Variants in SMARCA2 observed in about 807,000 individuals in gnomAD.
SMARCA2 encodes SWI/SNF related BAF chromatin remodeling complex subunit ATPase 2, also known as SWI/SNF-related matrix-associated actin-dependent regulator of chromatin subfamily A member 2.
A neutral mutation model predicts 199.8 loss-of-function variants in SMARCA2; 61 were observed. The observed-to-expected ratio is 0.31, with a 90% CI of 0.25 to 0.38. The LOEUF is 0.38. Among genes scored for constraint, SMARCA2 ranks in the 10% least tolerant of loss-of-function variants. The pLI is 1.00. For missense variants in SMARCA2, 1,344 were observed against 2,012.2 expected (o/e 0.67, Z 6.35); for synonymous variants, 935 against 732.0 (o/e 1.28, Z -4.48).
intron 29 of SMARCA2, among the ~76,000 whole-genome samples, chr9:2,180,721 C>A (rs554240856): frequency 1.3e-5 from 2 of 152,232 alleles, no homozygotes; most frequent in African/African-American, 4.8e-5. Flanking sequence ...CCTTTAACCA[C>A]ATCTGCTTCC....
At chr9:2,051,181 C>T (rs1354952714) in intron 5 of SMARCA2, among the ~76,000 whole-genome samples, 2 of 152,170 alleles carry the variant, frequency 1.3e-5, no homozygotes, top group African/African-American at 2.4e-5. Context: ...AAAGAAGCCC[C>T]TCCTGTACCT....
intron 21 of SMARCA2, among the ~76,000 whole-genome samples, chr9:2,098,039 A>T (rs1407933334): frequency 6.6e-6 from 1 of 152,180 alleles, no homozygotes; most frequent in Non-Finnish European, 1.5e-5. Flanking sequence ...CAGGGAGAGG[A>T]CATTTTCTGC....
chr9:2,178,864 C>G (rs1826809565), intron 29 of SMARCA2, among the ~76,000 whole-genome samples: 1 of 152,168 alleles, frequency 6.6e-6, no homozygotes, highest in Non-Finnish European at 1.5e-5. Flanking sequence ...GCTGGCCATC[C>G]AATCCCTTGC....
chr9:2,142,113 G>T (rs368554893), intron 27 of SMARCA2, among the ~76,000 whole-genome samples: 47 of 152,204 alleles, frequency 3.1e-4, no homozygotes, highest in African/African-American at 1.1e-3. Flanking sequence ...GAGAAGGTAG[G>T]GCCCTTAGCT....
intron 9 of SMARCA2, among the ~76,000 whole-genome samples, chr9:2,067,887 G>C (rs986401016): frequency 1.3e-5 from 2 of 152,174 alleles, no homozygotes; most frequent in African/African-American, 4.8e-5. Flanking sequence ...ACATTCATAG[G>C]AAAGTATCCT....
intron 3 of SMARCA2, among the ~76,000 whole-genome samples, chr9:2,033,775 C>A (rs1021239838): frequency 1.3e-5 from 2 of 152,224 alleles, no homozygotes; most frequent in African/African-American, 4.8e-5. Flanking sequence ...TGCCAGCAAT[C>A]CTTGGCATTC....
At chr9:2,183,042 C>G (rs1827169276) in intron 31 of SMARCA2, among the ~76,000 whole-genome samples, 1 of 152,198 alleles carries the variant, frequency 6.6e-6, no homozygotes, top group Admixed American at 6.5e-5. Context: ...CTGCCCACCT[C>G]AGCCTCCCAA....
intron 27 of SMARCA2, among the ~76,000 whole-genome samples, chr9:2,124,249 C>G (rs938814392): frequency 6.6e-6 from 1 of 152,156 alleles, no homozygotes; most frequent in Non-Finnish European, 1.5e-5. Flanking sequence ...GTTTTATGAC[C>G]AATTGCCTGG....
chr9:2,120,585 A>G (rs1823414798), intron 26 of SMARCA2, among the ~76,000 whole-genome samples: 1 of 152,182 alleles, frequency 6.6e-6, no homozygotes, highest in Non-Finnish European at 1.5e-5. Flanking sequence ...CCACCTTTTT[A>G]GCCTAGACAG....
At chr9:2,072,887 G>A (rs1340333555) in intron 10 of SMARCA2, among the ~76,000 whole-genome samples, 1 of 152,206 alleles carries the variant, frequency 6.6e-6, no homozygotes, top group African/African-American at 2.4e-5. Flanking sequence ...TGGCATTGTT[G>A]CCACTGTGGT....
At chr9:2,057,045 TGCCCAAGGTCATACAATTGCTTA>T (rs1220554752) in intron 7 of SMARCA2, among the ~76,000 whole-genome samples, 200 bp downstream of exon 7, 9 of 152,150 alleles carry the variant, frequency 5.9e-5, no homozygotes, top group African/African-American at 2.2e-4. Flanking sequence ...TATAAATGAC[TGCCCAAGGTCATACAATTGCTTA>T]GCAGCACAAT....
rs945674858 is a variant in SMARCA2, at chr9:2,185,957, T to G, written c.4462-139T>G. Reference sequence around the variant, plus strand: ...TTGGGCTTGGCGTTTTGCTACTGGGTTTTCATGTGGGCATAAAAGCTAACG... The same window carrying G: ...TTGGGCTTGGCGTTTTGCTACTGGGGTTTCATGTGGGCATAAAAGCTAACG... On this transcript the variant is annotated intron_variant, in intron 31 of 33. Coordinates refer to ENST00000349721, the MANE Select transcript of SMARCA2 (RefSeq NM_003070.5). The G allele has an allele frequency of 8.7e-6, 7 of 805,358 alleles. No individual in the cohort carries two copies. In the Admixed American group the frequency reaches 1.7e-4, roughly 19 times the overall value. 49.9% of individuals were successfully genotyped at this position (805,358 alleles called of 1,614,324 possible).
At chr9:2,073,883 G>A (rs1821197300) in intron 12 of SMARCA2, among the ~76,000 whole-genome samples, 1 of 152,180 alleles carries the variant, frequency 6.6e-6, no homozygotes, top group Non-Finnish European at 1.5e-5. Context: ...AGAGAAGCTG[G>A]CATTAACTTG....
chr9:2,193,141 GTTATT>G lies in SMARCA2; in HGVS notation c.*410_*414del, dbSNP rs1041447162. 6.1e-6 allele frequency: 1 copy of G among 164,266 alleles called. No individual in the cohort carries two copies. Among genetic ancestry groups the G allele is most frequent in the African/African-American group, 2.4e-5 (1 of 41,806 alleles). The allele number at this position is 164,266 out of a possible 1,614,324, so 10.2% of individuals were successfully genotyped here. A position where few individuals can be genotyped will look rare whatever the true frequency, so the allele number is the denominator to read the frequency against. Reference sequence around the variant, plus strand: ...CAGGAGAAGCCATTAAAAGCCACTGGTTATTTTATTTTTCATCAGGCAATTTTCGA... The same window carrying G: ...CAGGAGAAGCCATTAAAAGCCACTGGTTATTTTTCATCAGGCAATTTTCGA... On this transcript the variant is annotated 3_prime_UTR_variant, in exon 34 of 34. Transcript: ENST00000349721.
chr9:2,116,773 TG>T (rs1400783027), intron 25 of SMARCA2, among the ~76,000 whole-genome samples: 1 of 152,228 alleles, frequency 6.6e-6, no homozygotes, highest in Non-Finnish European at 1.5e-5. Context: ...TTTAAACGTA[TG>T]TATATAGTGT....
chr9:2,092,932 G>A (rs1822122994), intron 19 of SMARCA2, among the ~76,000 whole-genome samples: 1 of 152,196 alleles, frequency 6.6e-6, no homozygotes, highest in Non-Finnish European at 1.5e-5. Context: ...CCGAGTTGGA[G>A]TTGGCACGAT....
intron 12 of SMARCA2, among the ~76,000 whole-genome samples, chr9:2,074,854 G>A (rs942737784): frequency 2.8e-4 from 43 of 152,218 alleles, no homozygotes; most frequent in African/African-American, 1.0e-3. Context: ...GACAGAGCAA[G>A]ATCCTGTTTT....
chr9:2,177,178 C>T (rs1308239516), intron 29 of SMARCA2, among the ~76,000 whole-genome samples: 2 of 152,160 alleles, frequency 1.3e-5, no homozygotes, highest in Non-Finnish European at 2.9e-5. Context: ...AGAAGCAGCA[C>T]ACTTCACCTA....
intron 1 of SMARCA2, among the ~76,000 whole-genome samples, chr9:2,022,587 G>T (rs901955972): frequency 8.5e-5 from 13 of 152,280 alleles, no homozygotes; most frequent in African/African-American, 3.1e-4. Context: ...GCATATGATG[G>T]TTGAGTTTTA....
Sources: gnomAD v4.1 joint callset for allele counts (sites outside exome capture counted in the v4.1 genomes callset) on GRCh38, gnomAD v4.1.1 for gene constraint, MANE v1.5 for transcripts, NCBI Gene and HGNC (gene_info 2026-07-23, HGNC 2026-07-21) for gene names.